Variants in CNBD1 observed in about 807,000 individuals in gnomAD.
CNBD1 encodes the protein cyclic nucleotide-binding domain-containing protein 1.
CNBD1 carries 71 observed loss-of-function variants against 54.4 expected under a neutral mutation model. That is an observed-to-expected ratio of 1.30 (90% CI 1.08 to 1.59). The LOEUF (loss-of-function observed/expected upper bound fraction) is 1.59. Among genes scored for constraint, CNBD1 ranks in the 40% most tolerant of loss-of-function variants. CNBD1 has a pLI of 0.00. For synonymous variants in CNBD1, 182 were observed against 170.7 expected (o/e 1.07, Z -0.51); for missense variants, 659 against 518.0 (o/e 1.27, Z -2.64).
chr8:87,175,182 T>G (rs1444297647), intron 4 of CNBD1, among the ~76,000 whole-genome samples: 1 of 152,150 alleles, frequency 6.6e-6, no homozygotes, highest in Non-Finnish European at 1.5e-5. Flanking sequence ...CAGGCTTTGT[T>G]GAGCCAAGGC....
chr8:87,110,251 C>A (rs1811635782), intron 4 of CNBD1, among the ~76,000 whole-genome samples: 1 of 152,142 alleles, frequency 6.6e-6, no homozygotes, highest in Admixed American at 6.5e-5. Context: ...GGGTTCCTCC[C>A]TTTAAGTGTC....
intron 4 of CNBD1, among the ~76,000 whole-genome samples, chr8:87,107,511 T>C (rs1370435421): frequency 2.0e-5 from 3 of 152,210 alleles, no homozygotes; most frequent in Non-Finnish European, 4.4e-5. Context: ...CACCCATTAG[T>C]CTCTATTTCA....
At chr8:87,376,472 A>T (rs553148146) in intron 10 of CNBD1, among the ~76,000 whole-genome samples, 1 of 152,046 alleles carries the variant, frequency 6.6e-6, no homozygotes, top group African/African-American at 2.4e-5. Context: ...GGATGTAACC[A>T]TTTAGCCCAT....
intron 3 of CNBD1, among the ~76,000 whole-genome samples, chr8:86,914,927 C>T (rs904592687): frequency 1.3e-5 from 2 of 152,084 alleles, no homozygotes; most frequent in Admixed American, 6.5e-5. Flanking sequence ...TAATTATAAC[C>T]GCCCAATGGG....
chr8:87,227,647 G>A (rs1438275117), intron 5 of CNBD1, among the ~76,000 whole-genome samples: 6 of 137,600 alleles, frequency 4.4e-5, no homozygotes, highest in African/African-American at 8.7e-5. Flanking sequence ...AGGGTAACCC[G>A]ACCTTTCTCT....
At chr8:87,161,622 A>T (rs976519798) in intron 4 of CNBD1, among the ~76,000 whole-genome samples, 1 of 152,164 alleles carries the variant, frequency 6.6e-6, no homozygotes, top group Non-Finnish European at 1.5e-5. Context: ...GAGATCTTGA[A>T]TTGTTAGAAA....
chr8:87,219,035 T>C (rs947475022), intron 5 of CNBD1, among the ~76,000 whole-genome samples: 5 of 151,972 alleles, frequency 3.3e-5, no homozygotes, highest in Non-Finnish European at 5.9e-5. Flanking sequence ...AAGAAACTGT[T>C]TTCCTTCTCT....
intron 10 of CNBD1, 57 bp from the exon 11 acceptor site, chr8:87,382,562 AT>A: frequency 1.4e-6 from 2 of 1,426,322 alleles, no homozygotes; most frequent in Non-Finnish European, 1.9e-6. Flanking sequence ...TAGGAAAATA[AT>A]TACCAAAAAT....
At chr8:86,913,627 T>C (rs753951679) in intron 3 of CNBD1, among the ~76,000 whole-genome samples, 2 of 152,034 alleles carry the variant, frequency 1.3e-5, no homozygotes, top group African/African-American at 2.4e-5. Flanking sequence ...ACAAATAGGG[T>C]GTTGTTCACA....
chr8:87,356,618 A>C (rs1247043413), intron 10 of CNBD1, among the ~76,000 whole-genome samples: 4 of 152,182 alleles, frequency 2.6e-5, no homozygotes, highest in African/African-American at 9.7e-5. Flanking sequence ...ATGAGCATAA[A>C]AGATGACTTA....
At chr8:87,151,277 A>T (rs1179162207) in intron 4 of CNBD1, among the ~76,000 whole-genome samples, 1 of 152,210 alleles carries the variant, frequency 6.6e-6, no homozygotes, top group Non-Finnish European at 1.5e-5. Flanking sequence ...TCTGACAAAT[A>T]CCAAGTATCT....
chr8:86,876,517 G>A (rs1408800113), intron 1 of CNBD1, among the ~76,000 whole-genome samples: 1 of 151,442 alleles, frequency 6.6e-6, no homozygotes, highest in African/African-American at 2.4e-5. Flanking sequence ...ACCAGCTCTT[G>A]ATTTTTACTT....
At chr8:87,375,564 A>G (rs1464650804) in intron 10 of CNBD1, among the ~76,000 whole-genome samples, 2 of 151,858 alleles carry the variant, frequency 1.3e-5, no homozygotes, top group African/African-American at 4.8e-5. Context: ...TTTAGGTATC[A>G]CACAGATTCT....
At chr8:87,152,984 T>G (rs1812638372) in intron 4 of CNBD1, among the ~76,000 whole-genome samples, 1 of 152,162 alleles carries the variant, frequency 6.6e-6, no homozygotes, top group African/African-American at 2.4e-5. Flanking sequence ...AATAATTATA[T>G]TAGTATGATT....
chr8:86,956,200 T>A (rs1051006448), intron 4 of CNBD1, among the ~76,000 whole-genome samples: 33 of 152,286 alleles, frequency 2.2e-4, no homozygotes, highest in African/African-American at 6.0e-4. Context: ...ATCTCTGTTT[T>A]GGTACCAGTA....
At chr8:86,901,878 T>G (rs965090123) in intron 2 of CNBD1, among the ~76,000 whole-genome samples, 4 of 152,178 alleles carry the variant, frequency 2.6e-5, no homozygotes, top group Non-Finnish European at 4.4e-5. Flanking sequence ...GGGTGATCAC[T>G]TAAAGCCTTT....
intron 4 of CNBD1, among the ~76,000 whole-genome samples, chr8:87,197,148 C>A (rs1813739450): frequency 6.6e-6 from 1 of 152,178 alleles, no homozygotes; most frequent in Non-Finnish European, 1.5e-5. Context: ...ACCTTGGGGA[C>A]TGCAGTTTAT....
At chr8:87,321,550 G>C (rs1270772540) in intron 8 of CNBD1, among the ~76,000 whole-genome samples, 1 of 151,864 alleles carries the variant, frequency 6.6e-6, no homozygotes, top group African/African-American at 2.4e-5. Flanking sequence ...TTTGATTTTT[G>C]CTACTGAGTT....
chr8:87,392,914 C>T (rs991127599), intron 2 of CNBD1, among the ~76,000 whole-genome samples: 1 of 151,840 alleles, frequency 6.6e-6, no homozygotes, highest in Non-Finnish European at 1.5e-5. Context: ...ATTCTAGATG[C>T]ATCAGGGTAA....
Sources: allele counts gnomAD v4.1 joint callset (sites outside exome capture counted in the v4.1 genomes callset), GRCh38; gene constraint gnomAD v4.1.1; transcripts MANE v1.5; gene names NCBI Gene and HGNC (gene_info 2026-07-23, HGNC 2026-07-21).